MME: variants seen among roughly 807,000 people sequenced by gnomAD.
MME encodes the protein membrane metalloendopeptidase.
A neutral mutation model predicts 113.2 loss-of-function variants in MME; 98 were observed. The ratio of observed to expected loss-of-function variants is 0.87; its 90% CI spans 0.74 to 1.02. The LOEUF (loss-of-function observed/expected upper bound fraction) is 1.02, where lower values mean the gene tolerates loss of function less well. Ranked by LOEUF, MME falls within the 50% of genes least tolerant of loss-of-function variation. The probability of loss-of-function intolerance (pLI) is 0.00; values close to 1 mark genes in which losing one functional copy is unlikely to be tolerated. For synonymous variants in MME, 292 were observed against 300.6 expected, an observed-to-expected ratio of 0.97 and a Z score of 0.30; for missense variants, 836 against 896.0, an observed-to-expected ratio of 0.93 and a Z score of 0.86.
chr3:155,075,783 G>A (rs1714725475), upstream of MME, among the ~76,000 whole-genome samples: 1 of 152,162 alleles, frequency 6.6e-6, no homozygotes, highest in Admixed American at 6.5e-5. Context: ...AGCCTCCTGA[G>A]TAGCTGGGAC....
chr3:155,144,216 T>C, intron 13 of MME, 143 bp from the exon 14 acceptor site: 1 of 678,732 alleles, frequency 1.5e-6, no homozygotes, highest in Non-Finnish European at 2.7e-6. Flanking sequence ...CATATATCTG[T>C]TAGCTTAGGT....
intron 8 of MME, among the ~76,000 whole-genome samples, chr3:155,119,643 C>T (rs1718945459): frequency 6.7e-6 from 1 of 149,182 alleles, no homozygotes. Flanking sequence ...GTTCAATTCC[C>T]ACCTATGAGT....
chr3:155,164,890 C>G (rs567190388), intron 17 of MME, among the ~76,000 whole-genome samples: 5 of 152,184 alleles, frequency 3.3e-5, no homozygotes, highest in African/African-American at 1.2e-4. Context: ...TTGTAGAGGT[C>G]TGGGGAGCAA....
At chr3:155,155,863 T>C (rs1722269655) in intron 16 of MME, among the ~76,000 whole-genome samples, 1 of 152,170 alleles carries the variant, frequency 6.6e-6, no homozygotes, top group Non-Finnish European at 1.5e-5. Flanking sequence ...TGTACACATA[T>C]ATAAGGTTAG....
chr3:155,177,807 A>G (rs1712693178), intron 22 of MME, among the ~76,000 whole-genome samples: 1 of 152,142 alleles, frequency 6.6e-6, no homozygotes, highest in Non-Finnish European at 1.5e-5. Context: ...GTGGTTTTTC[A>G]ACGTACTCTT....
At chr3:155,122,154 A>C (rs1279962717) in intron 8 of MME, among the ~76,000 whole-genome samples, 1 of 146,184 alleles carries the variant, frequency 6.8e-6, no homozygotes, top group African/African-American at 2.5e-5. Flanking sequence ...GGGAGAGTGT[A>C]TGTGTCGAGG....
At chr3:155,167,831 C>T (rs1247054744) in intron 18 of MME, among the ~76,000 whole-genome samples, 1 of 152,064 alleles carries the variant, frequency 6.6e-6, no homozygotes, top group African/African-American at 2.4e-5. Context: ...GAAAGATTTG[C>T]CCAAAGGTAA....
At chr3:155,031,203 A>G (rs980435613) in intron 1 of MME, among the ~76,000 whole-genome samples, 2 of 152,168 alleles carry the variant, frequency 1.3e-5, no homozygotes, top group Non-Finnish European at 2.9e-5. Flanking sequence ...AAAGGGTATC[A>G]TCTGATATTA....
chr3:155,145,178 C>G (rs567444896), intron 14 of MME, among the ~76,000 whole-genome samples: 1 of 152,262 alleles, frequency 6.6e-6, no homozygotes, highest in South Asian at 2.1e-4. Context: ...ATCTTTCCAT[C>G]ACTCTGGCCA....
intron 22 of MME, among the ~76,000 whole-genome samples, chr3:155,177,064 TTTTG>T (rs1489259496): frequency 6.6e-6 from 1 of 152,148 alleles, no homozygotes; most frequent in African/African-American, 2.4e-5. Context: ...TTTAGGTGTT[TTTTG>T]TTTGTTGTTT....
chr3:155,090,656 G>C (rs190620976), intron 3 of MME, among the ~76,000 whole-genome samples: 2 of 152,102 alleles, frequency 1.3e-5, no homozygotes, highest in Non-Finnish European at 2.9e-5. Flanking sequence ...AGAATGGTGC[G>C]TGATTTAAGA....
At chr3:155,061,853 G>T (rs918730132) in intron 1 of MME, among the ~76,000 whole-genome samples, 2 of 151,930 alleles carry the variant, frequency 1.3e-5, no homozygotes, top group African/African-American at 4.8e-5. Flanking sequence ...TAGACACAGG[G>T]TTTTGCCGTG....
At chr3:155,175,888 G>T (rs1712469990) in intron 22 of MME, among the ~76,000 whole-genome samples, 1 of 152,070 alleles carries the variant, frequency 6.6e-6, no homozygotes, top group South Asian at 2.1e-4. Context: ...ATTGGTTCCT[G>T]ATATTTATAG....
At chr3:155,171,127 T>C (rs1205993406) in intron 20 of MME, among the ~76,000 whole-genome samples, 1 of 152,168 alleles carries the variant, frequency 6.6e-6, no homozygotes, top group Non-Finnish European at 1.5e-5. Context: ...AGTACTCCCA[T>C]GGAGAACCTC....
intron 17 of MME, among the ~76,000 whole-genome samples, chr3:155,162,216 C>T (rs552793041): frequency 5.3e-5 from 8 of 152,318 alleles, no homozygotes; most frequent in Admixed American, 2.6e-4. Flanking sequence ...CAGCCCTTCT[C>T]TAGAGTAGGC....
upstream of MME, among the ~76,000 whole-genome samples, chr3:155,077,759 G>T (rs1028452859): frequency 2.7e-5 from 4 of 150,386 alleles, no homozygotes; most frequent in Admixed American, 1.3e-4. Context: ...AGAAAGAAAA[G>T]AGAAAAAGAA....
intron 8 of MME, among the ~76,000 whole-genome samples, chr3:155,126,774 T>A (rs1466248996): frequency 6.6e-6 from 1 of 151,772 alleles, no homozygotes; most frequent in African/African-American, 2.4e-5. Flanking sequence ...CCAAGGCGGG[T>A]GGATCACCTG....
chr3:155,081,658 ACTCTT>A (rs1715161356), intron 1 of MME: 1 of 138,370 alleles, frequency 7.2e-6, no homozygotes, highest in African/African-American at 2.7e-5. Context: ...TGTCCCCCTT[ACTCTT>A]CTCTATGGGA....
intron 8 of MME, among the ~76,000 whole-genome samples, chr3:155,124,514 G>A (rs1420817814): frequency 2.0e-5 from 3 of 152,174 alleles, no homozygotes; most frequent in Non-Finnish European, 4.4e-5. Context: ...AGAGTTTCCA[G>A]TTTTTCTGTT....
Sources: allele counts gnomAD v4.1 joint callset (sites outside exome capture counted in the v4.1 genomes callset), GRCh38; gene constraint gnomAD v4.1.1; transcripts MANE v1.5; gene names NCBI Gene and HGNC (gene_info 2026-07-23, HGNC 2026-07-21).